Variants in GREM2 observed in about 807,000 individuals in gnomAD.
GREM2 encodes the protein gremlin-2.
A neutral mutation model predicts 14.2 loss-of-function variants in GREM2; 11 were observed. The observed-to-expected ratio is 0.78, with a 90% CI of 0.49 to 1.28. The LOEUF (loss-of-function observed/expected upper bound fraction) is 1.28. GREM2 is among the 50% of genes most tolerant of loss of function. The probability of loss-of-function intolerance (pLI) is 0.00; values close to 1 mark genes in which losing one functional copy is unlikely to be tolerated. For synonymous variants in GREM2, 98 were observed against 97.6 expected, an observed-to-expected ratio of 1.00 and a Z score of -0.02; for missense variants, 210 against 218.5, an observed-to-expected ratio of 0.96 and a Z score of 0.24.
intron 1 of GREM2, among the ~76,000 whole-genome samples, chr1:240,544,826 A>T (rs2103330177): frequency 6.6e-6 from 1 of 152,312 alleles, no homozygotes; most frequent in South Asian, 2.1e-4. Flanking sequence ...TGTTTCAAAG[A>T]ACTCAACTAT....
intron 1 of GREM2, among the ~76,000 whole-genome samples, chr1:240,570,947 A>G (rs368742623): frequency 7.9e-5 from 12 of 152,354 alleles, no homozygotes; most frequent in East Asian, 5.8e-4. Context: ...GGAACAGTGC[A>G]TACAGGAGAA....
At chr1:240,544,424 G>A (rs1430337319) in intron 1 of GREM2, among the ~76,000 whole-genome samples, 4 of 152,150 alleles carry the variant, frequency 2.6e-5, no homozygotes, top group Admixed American at 6.5e-5. Context: ...TGGGATTACA[G>A]GCGTGAGCCA....
intron 1 of GREM2, among the ~76,000 whole-genome samples, chr1:240,602,247 G>C (rs924142166): frequency 6.6e-6 from 1 of 152,142 alleles, no homozygotes; most frequent in African/African-American, 2.4e-5. Context: ...ATCATTAACA[G>C]AATTCTTTTC....
At chr1:240,549,428 C>G (rs1036231136) in intron 1 of GREM2, among the ~76,000 whole-genome samples, 4 of 151,806 alleles carry the variant, frequency 2.6e-5, no homozygotes, top group Non-Finnish European at 4.4e-5. Context: ...ATTGGTTAAC[C>G]TAAAAAGAGA....
intron 1 of GREM2, among the ~76,000 whole-genome samples, chr1:240,510,423 A>T (rs975897755): frequency 1.0e-4 from 15 of 148,514 alleles, no homozygotes; most frequent in African/African-American, 3.7e-4. Context: ...GGAATATGTC[A>T]ATCCACAGGG....
chr1:240,584,426 T>C (rs7411693), intron 1 of GREM2, among the ~76,000 whole-genome samples: 55,343 of 143,038 alleles, frequency 0.39, 14,047 homozygotes, highest in African/African-American at 0.73. Flanking sequence ...ACCCAGGAGG[T>C]GGAGGTTGCA....
At chr1:240,558,253 G>A (rs532162428) in intron 1 of GREM2, among the ~76,000 whole-genome samples, 1 of 152,208 alleles carries the variant, frequency 6.6e-6, no homozygotes, top group East Asian at 1.9e-4. Context: ...GAAGATAACC[G>A]AAGAATCAGC....
chr1:240,505,047 T>C (rs1212397961), intron 1 of GREM2, among the ~76,000 whole-genome samples: 1 of 152,160 alleles, frequency 6.6e-6, no homozygotes, highest in Non-Finnish European at 1.5e-5. Context: ...TTTAACACCA[T>C]TCCCCTAGTG....
At position 240,493,372 on chromosome 1, in the gene GREM2, T is replaced by C; in HGVS notation, c.104A>G (p.Lys35Arg). 6.2e-7 allele frequency: 1 copy of C among 1,613,918 alleles called. No individual in the cohort carries two copies. Among genetic ancestry groups the C allele is most frequent in the Non-Finnish European group, 8.5e-7 (1 of 1,180,006 alleles). The stretch of plus-strand genomic sequence containing the variant: ...CTCCGAGTTGTTGCTGCTGCCGTCC[T>C]TGTAAGGCGAGGGGATGGCGCCCGC... The part of the protein sequence containing the change: ...RPAGAIPSPY[K>R]DGSSNNSERW... Residue 35 changes from lysine to arginine, a missense_variant, in exon 2 of 2, where the codon AAG (lysine) becomes AGG (arginine). Coordinates refer to ENST00000318160, the MANE Select transcript of GREM2 (RefSeq NM_022469.4).
At chr1:240,495,059 G>A (rs891046198) in intron 1 of GREM2, among the ~76,000 whole-genome samples, 1 of 152,228 alleles carries the variant, frequency 6.6e-6, no homozygotes, top group African/African-American at 2.4e-5. Flanking sequence ...TATCTAAAAC[G>A]TGGCTTGCAG....
intron 1 of GREM2, among the ~76,000 whole-genome samples, chr1:240,514,856 C>T (rs1356328955): frequency 1.3e-5 from 2 of 152,128 alleles, no homozygotes; most frequent in African/African-American, 4.8e-5. Flanking sequence ...GCTCAATCTC[C>T]TCTGCACTCC....
At chr1:240,598,816 G>C (rs962949937) in intron 1 of GREM2, among the ~76,000 whole-genome samples, 1 of 152,148 alleles carries the variant, frequency 6.6e-6, no homozygotes, top group Non-Finnish European at 1.5e-5. Flanking sequence ...ATGTCTGCTT[G>C]TCTCTCCAAA....
At chr1:240,562,868 GTGAGTGTGTATGTGTGTA>G (rs1264747941) in intron 1 of GREM2, among the ~76,000 whole-genome samples, 9 of 150,082 alleles carry the variant, frequency 6.0e-5, no homozygotes, top group Admixed American at 2.7e-4. Context: ...ATGTGTATAT[GTGAGTGTGTATGTGTGTA>G]TGAGTGTGTA....
chr1:240,582,387 A>C (rs780767437), intron 1 of GREM2, among the ~76,000 whole-genome samples: 10 of 152,214 alleles, frequency 6.6e-5, no homozygotes, highest in Non-Finnish European at 1.3e-4. Flanking sequence ...GTGAGCCAAG[A>C]TCGTGCCATT....
chr1:240,586,000 T>C (rs1354645836), intron 1 of GREM2, among the ~76,000 whole-genome samples: 1 of 150,382 alleles, frequency 6.6e-6, no homozygotes, highest in African/African-American at 2.4e-5. Context: ...AAAAGAATCT[T>C]ACTATATTTA....
chr1:240,524,459 T>C (rs1678178381), intron 1 of GREM2, among the ~76,000 whole-genome samples: 1 of 152,218 alleles, frequency 6.6e-6, no homozygotes, highest in Non-Finnish European at 1.5e-5. Flanking sequence ...CATTTGGGAA[T>C]TTAAGAAGTG....
intron 1 of GREM2, among the ~76,000 whole-genome samples, chr1:240,586,808 T>G (rs2102860753): frequency 6.6e-6 from 1 of 152,196 alleles, no homozygotes; most frequent in East Asian, 1.9e-4. Flanking sequence ...CAACCTCTAC[T>G]TAAGGTGACT....
intron 1 of GREM2, among the ~76,000 whole-genome samples, chr1:240,599,596 A>G (rs1249787458): frequency 6.6e-6 from 1 of 152,212 alleles, no homozygotes; most frequent in Non-Finnish European, 1.5e-5. Context: ...CAAATGGGGT[A>G]TTTGGAATAG....
rs144539416 is a variant in GREM2, at chr1:240,604,563, C to A, written c.-2+7321G>T. On this transcript the variant is annotated intron_variant, in intron 1 of 1. Transcript: ENST00000318160. ...TGATGTTACTGTGGTTTGTTACATT[C>A]GTAACTAAAGAGAATGTGATATTTC... Among the ~76,000 whole-genome samples, 33 of 152,062 alleles carry A rather than the reference C, an allele frequency of 2.2e-4. 1 individual carries two copies. The highest frequency in any genetic ancestry group is 1.5e-4 in the Non-Finnish European group (10 of 68,024).
Sources: gnomAD v4.1 joint callset for allele counts (sites outside exome capture counted in the v4.1 genomes callset) on GRCh38, gnomAD v4.1.1 for gene constraint, MANE v1.5 for transcripts, NCBI Gene and HGNC (gene_info 2026-07-23, HGNC 2026-07-21) for gene names.